Variants in LIPA observed in about 807,000 individuals in gnomAD.
The protein encoded by LIPA is lysosomal acid lipase/cholesteryl ester hydrolase.
LIPA carries 26 observed loss-of-function variants against 40.6 expected under a neutral mutation model. The ratio of observed to expected loss-of-function variants is 0.64; its 90% CI spans 0.47 to 0.89. The LOEUF is 0.89. LIPA is among the 40% of genes least tolerant of loss of function. The pLI is 0.00. For missense variants in LIPA, 455 were observed against 479.6 expected, an observed-to-expected ratio of 0.95 and a Z score of 0.48; for synonymous variants, 188 against 168.4, an observed-to-expected ratio of 1.12 and a Z score of -0.90.
intron 2 of LIPA, among the ~76,000 whole-genome samples, chr10:89,364,011 C>T (rs1844041482): frequency 1.3e-5 from 2 of 152,138 alleles, no homozygotes; most frequent in Admixed American, 6.5e-5. Flanking sequence ...CTGGCCTGAA[C>T]CCTGTCTTTT....
chr10:89,367,628 C>A (rs890632711), intron 2 of LIPA, among the ~76,000 whole-genome samples: 3 of 152,164 alleles, frequency 2.0e-5, no homozygotes, highest in African/African-American at 7.2e-5. Context: ...TCAGGAGAGT[C>A]TGAATCTCTT....
At chr10:89,332,622 CA>C in intron 1 of LIPA, 1 of 1,614,086 alleles carries the variant, frequency 6.2e-7, no homozygotes, top group Non-Finnish European at 8.5e-7. Context: ...AAACAGCCAT[CA>C]TGAGGTAAAT....
chr10:89,238,137 A>T (rs1842927614), intron 3 of LIPA, among the ~76,000 whole-genome samples: 1 of 152,246 alleles, frequency 6.6e-6, no homozygotes, highest in South Asian at 2.1e-4. Flanking sequence ...TAGCCAATCA[A>T]GGAAATCAAG....
At chr10:89,388,619 T>C (rs1011197867) in intron 2 of LIPA, among the ~76,000 whole-genome samples, 3 of 152,202 alleles carry the variant, frequency 2.0e-5, no homozygotes, top group Admixed American at 1.3e-4. Context: ...TTTGTAAGAT[T>C]CATGTCATAT....
chr10:89,307,609 T>A (rs377217978), intron 1 of LIPA: 8 of 412,284 alleles, frequency 1.9e-5, no homozygotes, highest in African/African-American at 1.6e-4. Flanking sequence ...GGTGATAGAA[T>A]TATTTCTCGA....
At chr10:89,347,638 A>G (rs756149565), upstream of LIPA, among the ~76,000 whole-genome samples, 14 of 152,192 alleles carry the variant, frequency 9.2e-5, no homozygotes, top group Non-Finnish European at 2.1e-4. Context: ...GTTTTTTCCA[A>G]TACATTCAGT....
At chr10:89,391,721 G>C (rs1435829495) in intron 2 of LIPA, among the ~76,000 whole-genome samples, 1 of 151,856 alleles carries the variant, frequency 6.6e-6, no homozygotes, top group African/African-American at 2.4e-5. Context: ...GTAGAGAGGG[G>C]GTTTCACCAT....
chr10:89,380,131 A>C (rs1464339006), intron 2 of LIPA, among the ~76,000 whole-genome samples: 1 of 152,010 alleles, frequency 6.6e-6, no homozygotes, highest in South Asian at 2.1e-4. Context: ...TAGCTAGTCT[A>C]TGTGAGAGGT....
At chr10:89,353,819 T>C (rs1265975942) in intron 2 of LIPA, among the ~76,000 whole-genome samples, 2 of 152,060 alleles carry the variant, frequency 1.3e-5, no homozygotes, top group Non-Finnish European at 2.9e-5. Context: ...CGTGCACCTG[T>C]AGTCCCAGCT....
intron 2 of LIPA, among the ~76,000 whole-genome samples, chr10:89,362,009 C>A: frequency 6.7e-6 from 1 of 149,156 alleles, no homozygotes; most frequent in Non-Finnish European, 1.5e-5. Flanking sequence ...AGCAATCCTC[C>A]TACCTCAGCC....
At chr10:89,233,444 AAT>A (rs1842866694) in intron 3 of LIPA, among the ~76,000 whole-genome samples, 1 of 152,242 alleles carries the variant, frequency 6.6e-6, no homozygotes, top group African/African-American at 2.4e-5. Flanking sequence ...AAAAGTTTTT[AAT>A]GGAAATCTGC....
chr10:89,394,083 C>T (rs545368560), intron 2 of LIPA, among the ~76,000 whole-genome samples: 3 of 152,142 alleles, frequency 2.0e-5, no homozygotes, highest in Non-Finnish European at 4.4e-5. Flanking sequence ...AGAAATGCAG[C>T]TGTTAGGCAA....
chr10:89,314,974 C>A (rs192247456), intron 1 of LIPA, among the ~76,000 whole-genome samples: 4 of 152,302 alleles, frequency 2.6e-5, no homozygotes, highest in Admixed American at 6.5e-5. Context: ...AAAATCAGCT[C>A]CCTCACAATG....
At chr10:89,216,144 A>T (rs1434030888) in intron 8 of LIPA, 135 bp from the exon 9 acceptor site, 1 of 698,778 alleles carries the variant, frequency 1.4e-6, no homozygotes, top group Non-Finnish European at 2.6e-6. Context: ...TTTCCAAGGC[A>T]TTATTTTAAA....
chr10:89,337,789 T>C (rs1843768297), intron 1 of LIPA, among the ~76,000 whole-genome samples: 1 of 152,240 alleles, frequency 6.6e-6, no homozygotes, highest in Admixed American at 6.5e-5. Context: ...CCTGCATATC[T>C]GCTTACACGG....
chr10:89,270,750 C>A (rs183348485), intron 1 of LIPA, among the ~76,000 whole-genome samples: 2 of 152,174 alleles, frequency 1.3e-5, no homozygotes, highest in Non-Finnish European at 2.9e-5. Context: ...TCATGTTATA[C>A]GACCCAACAG....
intron 1 of LIPA, among the ~76,000 whole-genome samples, chr10:89,300,271 G>T (rs187332094): frequency 5.9e-4 from 90 of 152,304 alleles, no homozygotes; most frequent in African/African-American, 2.1e-3. Context: ...CTGGGAAGGG[G>T]GGTGGTGGGA....
chr10:89,403,961 G>C (rs545015479), intron 2 of LIPA: 79 of 356,100 alleles, frequency 2.2e-4, no homozygotes, highest in African/African-American at 1.6e-3. Flanking sequence ...TAACTTTGTA[G>C]GAAATAAAAC....
chr10:89,257,191 T>G (rs1364500063), intron 1 of LIPA, among the ~76,000 whole-genome samples: 1 of 152,266 alleles, frequency 6.6e-6, no homozygotes, highest in Non-Finnish European at 1.5e-5. Flanking sequence ...ACTGCATTTT[T>G]GGCAGTCTTT....
Sources: gnomAD v4.1 joint callset for allele counts (sites outside exome capture counted in the v4.1 genomes callset) on GRCh38, gnomAD v4.1.1 for gene constraint, MANE v1.5 for transcripts, NCBI Gene and HGNC (gene_info 2026-07-23, HGNC 2026-07-21) for gene names.